Variants in PARVA observed in about 807,000 individuals in gnomAD.
PARVA encodes alpha-parvin.
In PARVA, 25 loss-of-function variants were observed where a neutral mutation model predicts 52.6. The observed-to-expected ratio is 0.48, with a 90% CI of 0.35 to 0.66. The LOEUF is 0.66. Among genes scored for constraint, PARVA ranks in the 30% least tolerant of loss-of-function variants. The probability of loss-of-function intolerance (pLI) is 0.01; values close to 1 mark genes in which losing one functional copy is unlikely to be tolerated. For missense variants in PARVA, 373 were observed against 450.9 expected (o/e 0.83, Z 1.56); for synonymous variants, 185 against 179.1 (o/e 1.03, Z -0.26).
At chr11:12,453,093 G>A (rs1940646251) in intron 1 of PARVA, 1 of 453,538 alleles carries the variant, frequency 2.2e-6, no homozygotes, top group Non-Finnish European at 4.4e-6. Context: ...TGTTGGGGGG[G>A]CGCCCTGGCC....
At chr11:12,394,116 A>G (rs1420702051) in intron 1 of PARVA, among the ~76,000 whole-genome samples, 1 of 152,204 alleles carries the variant, frequency 6.6e-6, no homozygotes, top group Admixed American at 6.5e-5. Context: ...ATAGGGAATT[A>G]TTATTATTTT....
At chr11:12,394,175 A>C (rs1196712919) in intron 1 of PARVA, among the ~76,000 whole-genome samples, 1 of 152,164 alleles carries the variant, frequency 6.6e-6, no homozygotes, top group Non-Finnish European at 1.5e-5. Context: ...TCCACGTCCA[A>C]GGCCATATTA....
At chr11:12,376,636 A>G (rs1939392900), upstream of PARVA, 1 of 541,328 alleles carries the variant, frequency 1.8e-6, no homozygotes, top group African/African-American at 2.1e-5. Flanking sequence ...TGTGGCCTAG[A>G]AGGGGCCACA....
In PARVA at chr11:12,499,579, A is replaced by G. The variant is rs1184858082; in HGVS notation, c.541+2981A>G. On this transcript the variant is annotated intron_variant, in intron 5 of 12. Transcript: ENST00000334956. ...TCTTCTAAACACTTTATGTATTTTA[A>G]TCTTTGTAATCTTCACTCACCCATC... 3.9e-5 allele frequency among the ~76,000 whole-genome samples: 6 copies of G among 151,928 alleles called. No individual in the cohort carries two copies. The East Asian group carries it at 1.2e-3, about 29-fold the overall frequency.
chr11:12,412,992 G>A (rs1233961831), intron 1 of PARVA, among the ~76,000 whole-genome samples: 1 of 152,228 alleles, frequency 6.6e-6, no homozygotes, highest in East Asian at 1.9e-4. Context: ...GCTCTGGTCA[G>A]TAACATCCAC....
rs7104689 is a variant in PARVA, at chr11:12,534,061, A to C, written c.*6136A>C. 1.3e-5 allele frequency among the ~76,000 whole-genome samples: 2 copies of C among 151,904 alleles called. No individual in the cohort carries two copies. The highest frequency in any genetic ancestry group is 1.9e-4 in the East Asian group (1 of 5,182). ...TGCGTGCCTGTAATCCCAGCTACTC[A>C]GGGGGCTGAGGCAGAAGTATTGCTT... On this transcript the variant is annotated 3_prime_UTR_variant, in exon 13 of 13. Transcript: ENST00000334956.
intron 4 of PARVA, among the ~76,000 whole-genome samples, chr11:12,493,791 G>A (rs755839163): frequency 2.6e-5 from 4 of 152,174 alleles, no homozygotes; most frequent in Non-Finnish European, 2.9e-5. Flanking sequence ...CACCAAATAT[G>A]TGGGTTTTCC....
At chr11:12,477,796 C>A (rs1357390531) in intron 3 of PARVA, 51 bp from the exon 4 acceptor site, 13 of 924,822 alleles carry the variant, frequency 1.4e-5, no homozygotes, top group Non-Finnish European at 2.3e-5. Flanking sequence ...TAAGAAAATA[C>A]CCCATAACTC....
At chr11:12,432,977 G>A (rs183387234) in intron 1 of PARVA, among the ~76,000 whole-genome samples, 10 of 152,258 alleles carry the variant, frequency 6.6e-5, no homozygotes, top group African/African-American at 2.4e-4. Context: ...TGCCAGACAC[G>A]ATTTAAAAAA....
At chr11:12,427,391 C>A in intron 1 of PARVA, among the ~76,000 whole-genome samples, 1 of 152,204 alleles carries the variant, frequency 6.6e-6, no homozygotes, top group South Asian at 2.1e-4. Flanking sequence ...TCTGACCAGT[C>A]TTCATGACCC....
chr11:12,510,679 A>AATGAGGAAG (rs1391752033), intron 7 of PARVA, among the ~76,000 whole-genome samples: 1 of 152,192 alleles, frequency 6.6e-6, no homozygotes, highest in African/African-American at 2.4e-5. Flanking sequence ...TGGCAGAGAA[A>AATGAGGAAG]ATGAGGAAGA....
chr11:12,472,958 G>A (rs953988723), intron 1 of PARVA, among the ~76,000 whole-genome samples: 1 of 152,186 alleles, frequency 6.6e-6, no homozygotes, highest in African/African-American at 2.4e-5. Context: ...ACTTGGAGGA[G>A]CGTGGGCTGG....
At chr11:12,458,816 G>A (rs1346341928) in intron 1 of PARVA, among the ~76,000 whole-genome samples, 3 of 152,160 alleles carry the variant, frequency 2.0e-5, no homozygotes, top group African/African-American at 7.2e-5. Flanking sequence ...CTCCCTGGGG[G>A]TAACCTCAAC....
Position 12,532,372 on chromosome 11 carries a change from G to A in PARVA, c.*4447G>A, listed in dbSNP as rs546315537. On this transcript the variant is annotated 3_prime_UTR_variant, in exon 13 of 13. Transcript: ENST00000334956. ...CACCTCAGAGTCCCCTACATAATGC[G>A]TATTAGGACTTTCTAAGGGAAGACG... is the stretch of plus-strand genomic sequence containing the variant. 1.4e-4 allele frequency among the ~76,000 whole-genome samples: 21 copies of A among 152,288 alleles called. No individual in the cohort carries two copies. The highest frequency in any genetic ancestry group is 4.1e-4 in the South Asian group (2 of 4,826).
chr11:12,475,008 C>T (rs1333884203), intron 3 of PARVA, among the ~76,000 whole-genome samples: 3 of 151,952 alleles, frequency 2.0e-5, no homozygotes, highest in Non-Finnish European at 4.4e-5. Context: ...CCATGCAAAT[C>T]TGAATACACG....
At chr11:12,443,787 C>T (rs1319051866) in intron 1 of PARVA, among the ~76,000 whole-genome samples, 1 of 152,088 alleles carries the variant, frequency 6.6e-6, no homozygotes, top group Admixed American at 6.5e-5. Context: ...GCAATATGGC[C>T]ACCATTGCTG....
chr11:12,433,099 C>T (rs147158560), intron 1 of PARVA, among the ~76,000 whole-genome samples: 14 of 152,274 alleles, frequency 9.2e-5, no homozygotes, highest in African/African-American at 3.4e-4. Flanking sequence ...ACACCCGAAC[C>T]TCTAGGTCAA....
At position 12,528,049 on chromosome 11, in the gene PARVA, C is replaced by A; in HGVS notation, c.*124C>A. The A allele has an allele frequency of 2.7e-6, 2 of 745,744 alleles. No homozygotes were observed. Among genetic ancestry groups the A allele is most frequent in the South Asian group, 3.0e-5 (2 of 66,622 alleles). 46.2% of individuals were successfully genotyped at this position (745,744 alleles called of 1,614,324 possible). On this transcript the variant is annotated 3_prime_UTR_variant, in exon 13 of 13. Transcript: ENST00000334956. ...CTGTGCTCTCCCACAAGTCCAGCTGCAACCCAGAGATAGTGGAAACTGAAA... is the reference window on the plus strand; with the variant it reads ...CTGTGCTCTCCCACAAGTCCAGCTGAAACCCAGAGATAGTGGAAACTGAAA...
rs1357384764 is a variant in PARVA at position 12,531,863 on chromosome 11, C to T, written c.*3938C>T. ...TAGGGTAGGTAGACTGACTCACCACCTATGGGACCTGCCTCCACACATCAG... is the reference window on the plus strand; with the variant it reads ...TAGGGTAGGTAGACTGACTCACCACTTATGGGACCTGCCTCCACACATCAG... On this transcript the variant is annotated 3_prime_UTR_variant, in exon 13 of 13. Coordinates refer to ENST00000334956, the MANE Select transcript of PARVA (RefSeq NM_018222.5). Among the ~76,000 whole-genome samples, 1 of 152,096 alleles carries T rather than the reference C, an allele frequency of 6.6e-6. No individual in the cohort carries two copies. Among genetic ancestry groups the T allele is most frequent in the Non-Finnish European group, 1.5e-5 (1 of 68,026 alleles).
Sources: gnomAD v4.1 joint callset for allele counts (sites outside exome capture counted in the v4.1 genomes callset) on GRCh38, gnomAD v4.1.1 for gene constraint, MANE v1.5 for transcripts, NCBI Gene and HGNC (gene_info 2026-07-23, HGNC 2026-07-21) for gene names.